TMEM39B: variants seen among roughly 807,000 people sequenced by gnomAD.
The protein encoded by TMEM39B is transmembrane protein 39B.
In TMEM39B, 23 loss-of-function variants were observed where a neutral mutation model predicts 52.2. That is an observed-to-expected ratio of 0.44 (90% CI 0.32 to 0.62). The LOEUF is 0.62. Ranked by LOEUF, TMEM39B falls within the 20% of genes least tolerant of loss-of-function variation. The pLI is 0.06. For synonymous variants in TMEM39B, 285 were observed against 264.0 expected (o/e 1.08, Z -0.77); for missense variants, 547 against 642.0 (o/e 0.85, Z 1.60).
chr1:32,101,371 T>C (rs1235165045), intron 8 of TMEM39B, among the ~76,000 whole-genome samples: 1 of 152,130 alleles, frequency 6.6e-6, no homozygotes, highest in African/African-American at 2.4e-5. Flanking sequence ...AAAGGGCTGC[T>C]CAAAATTATC....
At chr1:32,086,154 G>A (rs540904433) in intron 5 of TMEM39B, among the ~76,000 whole-genome samples, 1 of 152,202 alleles carries the variant, frequency 6.6e-6, no homozygotes, top group African/African-American at 2.4e-5. Context: ...TGTGTTGTAT[G>A]AGGTGAGTAG....
intron 7 of TMEM39B, among the ~76,000 whole-genome samples, chr1:32,099,271 G>A (rs1640929674): frequency 6.6e-6 from 1 of 150,984 alleles, no homozygotes; most frequent in African/African-American, 2.4e-5. Flanking sequence ...ATTGAACAAT[G>A]AGAACACTTG....
In TMEM39B at chr1:32,102,647, A is replaced by G. The variant is rs1391384949; in HGVS notation, c.1453A>G (p.Arg485Gly). ...KAYSYSASPQ[R>G]DLDHRFS ...CTACTCATACTCTGCTAGCCCCCAG[A>G]GAGACCTGGACCACCGTTTCTCCTG... The change falls in exon 9 of 9, where the codon AGA becomes GGA. Residue 485 changes from arginine (R) to glycine (G), a missense_variant. By Grantham distance (125) the Arg-to-Gly change is moderately radical (BLOSUM62 -2). Coordinates refer to ENST00000336294, the MANE Select transcript of TMEM39B (RefSeq NM_018056.4). The G allele has an allele frequency of 1.9e-6, 3 of 1,597,344 alleles. No individual in the cohort carries two copies. Among genetic ancestry groups the G allele is most frequent in the East Asian group, 2.2e-5 (1 of 44,600 alleles).
chr1:32,076,013 G>A (rs1258478063), intron 3 of TMEM39B, 191 bp downstream of exon 3: 1 of 406,306 alleles, frequency 2.5e-6, no homozygotes, highest in African/African-American at 2.0e-5. Context: ...AGTGTGTTTA[G>A]TAGCACATTG....
intron 5 of TMEM39B, chr1:32,087,144 T>C (rs1371798256): frequency 6.6e-6 from 1 of 151,806 alleles, no homozygotes; most frequent in Admixed American, 6.6e-5. Context: ...AAAATATTCA[T>C]TATATGTTGA....
At chr1:32,083,076 GTTTTTTTT>G (rs763745093) in intron 5 of TMEM39B, among the ~76,000 whole-genome samples, 3 of 85,872 alleles carry the variant, frequency 3.5e-5, no homozygotes, top group Non-Finnish European at 6.6e-5. Context: ...GCCCAGCCTG[GTTTTTTTT>G]TTTTTTTTTT....
In TMEM39B at chr1:32,091,907, G is replaced by A; in HGVS notation, c.823G>A (p.Val275Met). Residue 275 changes from valine to methionine, a missense_variant, in exon 6 of 9, where the codon GTG (valine) becomes ATG (methionine). Coordinates refer to ENST00000336294, the MANE Select transcript of TMEM39B (RefSeq NM_018056.4). ...GTCACCCAGCCTCATCCGCAGTGAG[G>A]TGGAGTTCCTCAAGATGGACTTCAA... ...CLSPSLIRSE[V>M]EFLKMDFNWR... is the part of the protein sequence containing the mutation. 1 of 1,614,236 alleles carries A rather than the reference G, an allele frequency of 6.2e-7. No individual in the cohort carries two copies. The highest frequency in any genetic ancestry group is 8.5e-7 in the Non-Finnish European group (1 of 1,180,040).
At chr1:32,086,460 T>C (rs77789751) in intron 5 of TMEM39B, among the ~76,000 whole-genome samples, 107 of 152,230 alleles carry the variant, frequency 7.0e-4, no homozygotes, top group African/African-American at 2.4e-3. Context: ...TCTGAACCCT[T>C]AGTACACACA....
chr1:32,075,409 G>A (rs1200389380), intron 2 of TMEM39B, among the ~76,000 whole-genome samples, 194 bp from the exon 3 acceptor site: 4 of 152,180 alleles, frequency 2.6e-5, no homozygotes, highest in Non-Finnish European at 4.4e-5. Flanking sequence ...CCTAGGGGGT[G>A]TTGGAAGACC....
rs750344544 is a variant in TMEM39B at position 32,091,741 on chromosome 1, C to T, written c.657C>T (p.His219=). 4 of 1,614,182 alleles carry T rather than the reference C, an allele frequency of 2.5e-6. No individual in the cohort carries two copies. The highest frequency in any genetic ancestry group is 4.5e-5 in the East Asian group (2 of 44,884). The change falls in exon 6 of 9, where the codon CAC becomes CAT. Residue 219 remains histidine (H), a synonymous_variant. Transcript: ENST00000336294. ...TCCGCAAGACAAGCCTCTTCAACCA[C>T]ATGGCCTCCATGGGGCCCCGGGAGG... ...CDLRKTSLFN[H]MASMGPREAV...
intron 6 of TMEM39B, among the ~76,000 whole-genome samples, chr1:32,092,894 C>G (rs1046833352): frequency 1.3e-5 from 2 of 152,348 alleles, no homozygotes; most frequent in Admixed American, 6.5e-5. Context: ...ATTCGTAATA[C>G]TTGATTACAA....
chr1:32,087,319 CAAAAAAA>C (rs1207083221), intron 5 of TMEM39B, among the ~76,000 whole-genome samples: 1 of 29,016 alleles, frequency 3.4e-5, no homozygotes, highest in African/African-American at 1.3e-4. Flanking sequence ...CTCCGTCTCA[CAAAAAAA>C]AAAAAAAAAA....
chr1:32,089,171 C>G (rs1359002000), intron 5 of TMEM39B, among the ~76,000 whole-genome samples: 1 of 127,020 alleles, frequency 7.9e-6, no homozygotes, highest in Non-Finnish European at 1.6e-5. Context: ...GGGTCTCATT[C>G]TGTCACCCAG....
At chr1:32,076,207 T>G in intron 3 of TMEM39B, 1 of 184,482 alleles carries the variant, frequency 5.4e-6, no homozygotes, top group Non-Finnish European at 1.1e-5. Context: ...CGCCTTCCAG[T>G]TTCAAGCGAT....
At chr1:32,073,100 T>C in intron 1 of TMEM39B, 49 bp downstream of exon 1, 1 of 1,412,382 alleles carries the variant, frequency 7.1e-7, no homozygotes, top group Non-Finnish European at 9.3e-7. Flanking sequence ...GGCGCACGGG[T>C]TAGGATGGCC....
At chr1:32,074,108 C>T (rs1019394066) in intron 1 of TMEM39B, among the ~76,000 whole-genome samples, 4 of 151,908 alleles carry the variant, frequency 2.6e-5, no homozygotes, top group South Asian at 2.1e-4. Context: ...CGAAGTGGTG[C>T]GTGGGAGCTT....
chr1:32,099,830 T>C (rs116510013), intron 7 of TMEM39B, among the ~76,000 whole-genome samples: 2,331 of 152,292 alleles, frequency 0.015, 22 homozygotes, highest in Middle Eastern at 0.061. Flanking sequence ...ACAGATCACC[T>C]GACGTCAAGA....
chr1:32,094,166 G>A (rs190505403), intron 6 of TMEM39B, among the ~76,000 whole-genome samples: 42 of 101,248 alleles, frequency 4.1e-4, no homozygotes, highest in African/African-American at 1.5e-3. Context: ...TTGCTCTGTT[G>A]CCCAGGCTGG....
intron 7 of TMEM39B, among the ~76,000 whole-genome samples, chr1:32,096,389 G>A (rs1002256498): frequency 3.3e-5 from 5 of 150,952 alleles, no homozygotes; most frequent in Admixed American, 6.6e-5. Context: ...TGTCATTTCA[G>A]GACTAAAAGT....
Sources: allele counts gnomAD v4.1 joint callset (sites outside exome capture counted in the v4.1 genomes callset), GRCh38; gene constraint gnomAD v4.1.1; transcripts MANE v1.5; gene names NCBI Gene and HGNC (gene_info 2026-07-23, HGNC 2026-07-21).